Variants in MID1 observed in about 807,000 individuals in gnomAD.
MID1 encodes the protein E3 ubiquitin-protein ligase Midline-1.
MID1 carries 7 observed loss-of-function variants against 40.4 expected under a neutral mutation model. The ratio of observed to expected loss-of-function variants is 0.17; its 90% CI spans 0.10 to 0.33. The LOEUF (loss-of-function observed/expected upper bound fraction) is 0.33. Among genes scored for constraint, MID1 ranks in the 10% least tolerant of loss-of-function variants. The pLI is 1.00. For synonymous variants in MID1, 229 were observed against 221.2 expected, an observed-to-expected ratio of 1.04 and a Z score of -0.31; for missense variants, 367 against 558.5, an observed-to-expected ratio of 0.66 and a Z score of 3.46.
At chrX:10,746,998 T>C (rs1363261924) in intron 1 of MID1, among the ~76,000 whole-genome samples, 1 of 111,095 alleles carries the variant, frequency 9.0e-6, no homozygotes, top group East Asian at 2.8e-4. Flanking sequence ...TGAGTTGCTA[T>C]GGAGAAGGTG....
At chrX:10,527,783 T>C (rs1932860808) in intron 2 of MID1, among the ~76,000 whole-genome samples, 1 of 111,243 alleles carries the variant, frequency 9.0e-6, no homozygotes, top group Non-Finnish European at 1.9e-5. Context: ...GTCTACAAAA[T>C]CTCCCACAGG....
intron 1 of MID1, among the ~76,000 whole-genome samples, chrX:10,766,704 G>A (rs778675894): frequency 7.0e-4 from 78 of 110,868 alleles, no homozygotes; most frequent in Non-Finnish European, 1.3e-3. Context: ...AGGATCATTT[G>A]AGGCCAGGAA....
intron 7 of MID1, among the ~76,000 whole-genome samples, chrX:10,462,371 A>G (rs1478322362): frequency 8.9e-6 from 1 of 111,971 alleles, no homozygotes; most frequent in Non-Finnish European, 1.9e-5. Context: ...GTCTTACGCC[A>G]GCACCACCTA....
At chrX:10,823,632 G>A in intron 1 of MID1, among the ~76,000 whole-genome samples, 1 of 110,835 alleles carries the variant, frequency 9.0e-6, no homozygotes, top group East Asian at 2.8e-4. Flanking sequence ...GTGTATGTGT[G>A]CGTGTGTATA....
chrX:10,496,084 A>G (rs1931235922), intron 3 of MID1, among the ~76,000 whole-genome samples: 1 of 112,415 alleles, frequency 8.9e-6, no homozygotes, highest in Non-Finnish European at 1.9e-5. Flanking sequence ...AAAAAAATCA[A>G]TATTATTCTT....
At chrX:10,497,592 G>C (rs1434404387) in intron 3 of MID1, among the ~76,000 whole-genome samples, 1 of 111,590 alleles carries the variant, frequency 9.0e-6, no homozygotes, top group Non-Finnish European at 1.9e-5. Context: ...CCTGCTCCTT[G>C]GCTGTAAATC....
At position 10,742,193 on chromosome X, in the gene MID1, C is replaced by G. The variant is rs191145078; in HGVS notation, c.-187+91361G>C. Among the ~76,000 whole-genome samples, 317 of 110,996 alleles carry G rather than the reference C, an allele frequency of 2.9e-3. 1 individual carries two copies. Among genetic ancestry groups the G allele is most frequent in the African/African-American group, 9.7e-3 (297 of 30,555 alleles). The stretch of plus-strand genomic sequence containing the variant: ...CAGCACCTACAGTTATAAAAACTGA[C>G]ATGAGATGATCATATTTTACCTCCC... On this transcript the variant is annotated intron_variant, in intron 1 of 10. Transcript: ENST00000380785.
At chrX:10,546,795 T>C (rs1001272727) in intron 2 of MID1, among the ~76,000 whole-genome samples, 2 of 112,127 alleles carry the variant, frequency 1.8e-5, no homozygotes, top group African/African-American at 6.5e-5. Context: ...GAAGTTTTAC[T>C]AGGGTGGAGT....
intron 1 of MID1, among the ~76,000 whole-genome samples, chrX:10,592,574 C>T (rs1227803464): frequency 9.0e-6 from 1 of 110,628 alleles, no homozygotes; most frequent in Non-Finnish European, 1.9e-5. Flanking sequence ...AGGGCATTAA[C>T]TACTCATGTT....
intron 1 of MID1, among the ~76,000 whole-genome samples, chrX:10,767,715 C>A (rs900006245): frequency 8.9e-6 from 1 of 111,834 alleles, no homozygotes; most frequent in Non-Finnish European, 1.9e-5. Flanking sequence ...ATACTGGACT[C>A]TTTAAGTGAC....
At chrX:10,522,953 A>G (rs1932765323) in intron 3 of MID1, 139 bp downstream of exon 3, 3 of 508,103 alleles carry the variant, frequency 5.9e-6, no homozygotes, top group South Asian at 6.1e-5. Context: ...AATTTCCTCC[A>G]TCTTTTATTT....
rs143727387 is a variant in MID1, at chrX:10,493,616, C to T, written c.864+1968G>A. On this transcript the variant is annotated intron_variant, in intron 4 of 9. Transcript: ENST00000317552. ...TTATTTTTTACTTTGAGATCTATTG[C>T]ATGGCATGGTGAAAACAGCAAATAA... Among the ~76,000 whole-genome samples the T allele has an allele frequency of 9.4e-4, 105 of 111,793 alleles. 1 individual carries two copies. The highest frequency in any genetic ancestry group is 3.3e-3 in the African/African-American group (103 of 30,817).
intron 1 of MID1, among the ~76,000 whole-genome samples, chrX:10,775,096 T>G: frequency 1.3e-5 from 1 of 79,685 alleles, no homozygotes; most frequent in Non-Finnish European, 2.3e-5. Flanking sequence ...GTGAGGAGAA[T>G]GAAAAAGAGG....
upstream of MID1, among the ~76,000 whole-genome samples, chrX:10,623,190 G>T (rs1424314789): frequency 9.4e-6 from 1 of 106,081 alleles, no homozygotes; most frequent in Non-Finnish European, 1.9e-5. Context: ...GGTCGAGGCT[G>T]CAGTGAGCCT....
intron 1 of MID1, among the ~76,000 whole-genome samples, chrX:10,674,578 A>G (rs1232823738): frequency 8.9e-6 from 1 of 112,548 alleles, no homozygotes; most frequent in Admixed American, 9.4e-5. Flanking sequence ...AAGAAAATCA[A>G]TTCTAATAAA....
At chrX:10,481,666 G>A (rs922776718) in intron 5 of MID1, among the ~76,000 whole-genome samples, 3 of 110,573 alleles carry the variant, frequency 2.7e-5, no homozygotes, top group Non-Finnish European at 5.7e-5. Flanking sequence ...GGCTGGTCTC[G>A]AACTCCTGAC....
At chrX:10,513,000 C>A (rs759468378) in intron 3 of MID1, among the ~76,000 whole-genome samples, 1 of 112,006 alleles carries the variant, frequency 8.9e-6, no homozygotes, top group South Asian at 3.7e-4. Context: ...ACAAAAATAA[C>A]CAGTACTACA....
intron 2 of MID1, among the ~76,000 whole-genome samples, chrX:10,546,509 A>G (rs1453715237): frequency 9.0e-6 from 1 of 111,728 alleles, no homozygotes; most frequent in Non-Finnish European, 1.9e-5. Context: ...ACCTATTTTT[A>G]TAGCACTTTT....
intron 4 of MID1, among the ~76,000 whole-genome samples, chrX:10,489,695 A>G (rs1930821658): frequency 9.8e-6 from 1 of 102,489 alleles, no homozygotes; most frequent in South Asian, 4.2e-4. Context: ...TTATTTTCAA[A>G]GTTTTTTTTT....
Sources: gnomAD v4.1 joint callset for allele counts (sites outside exome capture counted in the v4.1 genomes callset) on GRCh38, gnomAD v4.1.1 for gene constraint, MANE v1.5 for transcripts, NCBI Gene and HGNC (gene_info 2026-07-23, HGNC 2026-07-21) for gene names.